The following PRKCH variants were observed in gnomAD, a reference collection of about 807,000 sequenced individuals.
PRKCH encodes protein kinase C eta type.
A neutral mutation model predicts 82.5 loss-of-function variants in PRKCH; 28 were observed. The ratio of observed to expected loss-of-function variants is 0.34; its 90% CI spans 0.25 to 0.47. The LOEUF (loss-of-function observed/expected upper bound fraction) is 0.47. Among genes scored for constraint, PRKCH ranks in the 20% least tolerant of loss-of-function variants. PRKCH has a pLI of 1.00. For missense variants in PRKCH, 705 were observed against 881.8 expected (o/e 0.80, Z 2.54); for synonymous variants, 322 against 327.4 (o/e 0.98, Z 0.18).
At chr14:61,257,254 A>T (rs1045532103) in intron 1 of PRKCH, among the ~76,000 whole-genome samples, 1 of 152,232 alleles carries the variant, frequency 6.6e-6, no homozygotes, top group African/African-American at 2.4e-5. Flanking sequence ...CAATCTCTTA[A>T]AAATGGAACA....
intron 1 of PRKCH, among the ~76,000 whole-genome samples, chr14:61,378,932 C>G (rs1456970133): frequency 6.6e-6 from 1 of 152,222 alleles, no homozygotes; most frequent in African/African-American, 2.4e-5. Flanking sequence ...TTCCCACCAC[C>G]AGCTTCTCTC....
At chr14:61,190,675 C>G (rs984309983) in intron 1 of PRKCH, among the ~76,000 whole-genome samples, 2 of 152,152 alleles carry the variant, frequency 1.3e-5, no homozygotes, top group Non-Finnish European at 1.5e-5. Context: ...TGTGTTTCCA[C>G]TCTAGGACCA....
At chr14:61,207,102 A>T (rs1381425463) in intron 1 of PRKCH, among the ~76,000 whole-genome samples, 4 of 101,970 alleles carry the variant, frequency 3.9e-5, no homozygotes, top group Admixed American at 1.2e-4. Context: ...GTGAAACTCC[A>T]TCTCAAAAAA....
At chr14:61,417,917 G>A (rs1165650370) in intron 2 of PRKCH, among the ~76,000 whole-genome samples, 1 of 152,164 alleles carries the variant, frequency 6.6e-6, no homozygotes, top group Non-Finnish European at 1.5e-5. Flanking sequence ...CCACACATGG[G>A]TTATTTCTCT....
At chr14:61,244,500 G>A (rs924051558) in intron 1 of PRKCH, among the ~76,000 whole-genome samples, 4 of 152,222 alleles carry the variant, frequency 2.6e-5, no homozygotes, top group Non-Finnish European at 5.9e-5. Flanking sequence ...TGTATCAGAA[G>A]TAATTAGCCA....
At chr14:61,394,148 T>A (rs568030915) in intron 2 of PRKCH, among the ~76,000 whole-genome samples, 1 of 152,354 alleles carries the variant, frequency 6.6e-6, no homozygotes, top group East Asian at 1.9e-4. Context: ...CAGCCAACCA[T>A]TCCCATTCAT....
chr14:61,511,697 T>G (rs1289829058), intron 10 of PRKCH, among the ~76,000 whole-genome samples: 4 of 152,244 alleles, frequency 2.6e-5, no homozygotes, highest in Non-Finnish European at 5.9e-5. Flanking sequence ...TGGCACATGA[T>G]CCTCTGCCCA....
chr14:61,466,716 A>C (rs925350184), intron 9 of PRKCH, among the ~76,000 whole-genome samples: 3 of 152,124 alleles, frequency 2.0e-5, no homozygotes, highest in Non-Finnish European at 4.4e-5. Context: ...TGTTTTGGGA[A>C]TGCCTTAAGT....
At chr14:61,513,927 C>T (rs143134179) in intron 10 of PRKCH, among the ~76,000 whole-genome samples, 77 of 152,146 alleles carry the variant, frequency 5.1e-4, no homozygotes, top group African/African-American at 1.7e-3. Context: ...TGTCCCATCC[C>T]ATCGTTTTAC....
intron 2 of PRKCH, among the ~76,000 whole-genome samples, chr14:61,421,256 A>T (rs999776763): frequency 6.6e-6 from 1 of 152,006 alleles, no homozygotes; most frequent in Non-Finnish European, 1.5e-5. Context: ...CAATATATAC[A>T]ATCAGTTTCA....
chr14:61,538,244 C>T (rs1162019345), intron 12 of PRKCH, among the ~76,000 whole-genome samples: 1 of 152,162 alleles, frequency 6.6e-6, no homozygotes, highest in Non-Finnish European at 1.5e-5. Context: ...TAACATGCAA[C>T]CTGGCAGACT....
intron 1 of PRKCH, among the ~76,000 whole-genome samples, chr14:61,328,256 CAAAAAAAAAAAAAAAA>C (rs71117811): frequency 1.3e-5 from 1 of 74,378 alleles, no homozygotes; most frequent in Non-Finnish European, 2.3e-5. Flanking sequence ...GACTCCGTCT[CAAAAAAAAAAAAAAAA>C]AAAAAAAAAG....
At chr14:61,263,328 C>T (rs2045067200) in intron 1 of PRKCH, among the ~76,000 whole-genome samples, 1 of 152,052 alleles carries the variant, frequency 6.6e-6, no homozygotes, top group South Asian at 2.1e-4. Context: ...AAAAAATGTG[C>T]TATACATAAT....
At chr14:61,453,201 G>T (rs763536253) in intron 6 of PRKCH, 25 bp from the exon 7 acceptor site, 2 of 1,614,066 alleles carry the variant, frequency 1.2e-6, no homozygotes, top group Non-Finnish European at 1.7e-6. Context: ...TCTGAACATG[G>T]ATTCTGTTTT....
At chr14:61,539,223 A>G (rs930422425) in intron 12 of PRKCH, among the ~76,000 whole-genome samples, 4 of 152,206 alleles carry the variant, frequency 2.6e-5, no homozygotes, top group Admixed American at 1.3e-4. Context: ...GACCAGAAAG[A>G]AGATACAAGG....
Position 61,542,222 on chromosome 14 carries a change from G to A in PRKCH, c.1762-5521G>A, listed in dbSNP as rs138207782. On this transcript the variant is annotated intron_variant, in intron 12 of 13. Transcript: ENST00000332981. ...GGAGAATTGCTTGAACCTGGGAGGG[G>A]GAGGTTGCAGTGAGCCAAAATTGTG... 3.3e-3 allele frequency among the ~76,000 whole-genome samples: 507 copies of A among 152,018 alleles called. 3 individuals are homozygous for A. Among genetic ancestry groups the A allele is most frequent in the African/African-American group, 0.012 (481 of 41,430 alleles).
intron 2 of PRKCH, among the ~76,000 whole-genome samples, chr14:61,393,087 T>C (rs1305136050): frequency 1.3e-5 from 2 of 152,196 alleles, no homozygotes; most frequent in Non-Finnish European, 2.9e-5. Flanking sequence ...TGTTCTGTCC[T>C]GTTGATCTGT....
chr14:61,226,633 T>C (rs1227950866), intron 1 of PRKCH, among the ~76,000 whole-genome samples: 1 of 152,274 alleles, frequency 6.6e-6, no homozygotes, highest in Admixed American at 6.5e-5. Flanking sequence ...CATGGAATTA[T>C]GTGGTTTCCA....
chr14:61,225,112 A>G (rs765792706), intron 1 of PRKCH, among the ~76,000 whole-genome samples: 2 of 152,290 alleles, frequency 1.3e-5, no homozygotes, highest in African/African-American at 4.8e-5. Flanking sequence ...CACTAGGACA[A>G]TGCTCTCTCC....
Sources: gnomAD v4.1 joint callset for allele counts (sites outside exome capture counted in the v4.1 genomes callset) on GRCh38, gnomAD v4.1.1 for gene constraint, MANE v1.5 for transcripts, NCBI Gene and HGNC (gene_info 2026-07-23, HGNC 2026-07-21) for gene names.